Variants in TXNRD1 observed in about 807,000 individuals in gnomAD.
TXNRD1 encodes the protein thioredoxin reductase 1, also known as thioredoxin reductase 1, cytoplasmic.
Under a neutral mutation model 80.3 loss-of-function variants are expected in TXNRD1, and 57 were observed. The ratio of observed to expected loss-of-function variants is 0.71; its 90% CI spans 0.57 to 0.89. The LOEUF (loss-of-function observed/expected upper bound fraction) is 0.89, where lower values mean the gene tolerates loss of function less well. Among genes scored for constraint, TXNRD1 ranks in the 40% least tolerant of loss-of-function variants. TXNRD1 has a pLI of 0.00. For missense variants in TXNRD1, 730 were observed against 803.0 expected (o/e 0.91, Z 1.10); for synonymous variants, 291 against 285.2 (o/e 1.02, Z -0.20).
intron 1 of TXNRD1, among the ~76,000 whole-genome samples, chr12:104,249,171 C>T (rs995711965): frequency 6.6e-6 from 1 of 152,332 alleles, no homozygotes; most frequent in Admixed American, 6.5e-5. Context: ...GTAGATTCCA[C>T]GTCTGGTGAG....
intron 1 of TXNRD1, among the ~76,000 whole-genome samples, chr12:104,246,193 C>T (rs1211657661): frequency 2.0e-5 from 3 of 148,890 alleles, no homozygotes; most frequent in Non-Finnish European, 4.4e-5. Flanking sequence ...TTTGGGAGGC[C>T]GAGGCGGGTG....
chr12:104,319,405 A>G (rs955453435), intron 8 of TXNRD1, 65 bp from the exon 9 acceptor site: 1 of 1,041,724 alleles, frequency 9.6e-7, no homozygotes, highest in Non-Finnish European at 1.4e-6. Context: ...GCCTTTGTTA[A>G]CTATGAAGTT....
chr12:104,278,442 G>C (rs191255708), intron 3 of TXNRD1, among the ~76,000 whole-genome samples: 4 of 148,048 alleles, frequency 2.7e-5, no homozygotes, highest in African/African-American at 1.0e-4. Flanking sequence ...CTCGTGATCC[G>C]CCCGCCTTGG....
chr12:104,348,497 C>A lies in TXNRD1; in HGVS notation c.*76C>A. 1 of 1,465,480 alleles carries A rather than the reference C, an allele frequency of 6.8e-7. No individual in the cohort carries two copies. The highest frequency in any genetic ancestry group is 9.5e-7 in the Non-Finnish European group (1 of 1,048,708). 90.8% of individuals were successfully genotyped at this position (1,465,480 alleles called of 1,614,324 possible). ...GTGCCCAAATCCAAGGCGAAGTTTT[C>A]TAGAGGGTTCTTGGGCTCTTGGCAC... is the stretch of plus-strand genomic sequence containing the variant. On this transcript the variant is annotated 3_prime_UTR_variant, in exon 17 of 17. Transcript: ENST00000525566.
intron 3 of TXNRD1, among the ~76,000 whole-genome samples, chr12:104,269,796 C>T (rs998653551): frequency 3.3e-5 from 5 of 152,036 alleles, no homozygotes; most frequent in Non-Finnish European, 7.4e-5. Flanking sequence ...GTCTCGATCT[C>T]CTGACCTCGT....
At chr12:104,228,922 T>A (rs374617541) in intron 1 of TXNRD1, among the ~76,000 whole-genome samples, 1 of 151,866 alleles carries the variant, frequency 6.6e-6, no homozygotes, top group Non-Finnish European at 1.5e-5. Flanking sequence ...GGTTTCACTG[T>A]GTTAGCCAGG....
At chr12:104,283,402 C>T (rs1315046193) in intron 3 of TXNRD1, among the ~76,000 whole-genome samples, 3 of 152,048 alleles carry the variant, frequency 2.0e-5, no homozygotes, top group Non-Finnish European at 4.4e-5. Context: ...CAGGCGCCCA[C>T]CACCATGCCC....
intron 1 of TXNRD1, among the ~76,000 whole-genome samples, chr12:104,240,742 T>C (rs1385506631): frequency 8.6e-6 from 1 of 116,538 alleles, no homozygotes; most frequent in East Asian, 2.6e-4. Flanking sequence ...AAAAGGTATC[T>C]TTGTGGAATT....
chr12:104,266,971 TAAATAAAATA>T (rs935892793), intron 3 of TXNRD1, among the ~76,000 whole-genome samples: 1 of 136,386 alleles, frequency 7.3e-6, no homozygotes, highest in Admixed American at 7.3e-5. Flanking sequence ...CAAAAATAAA[TAAATAAAATA>T]AAATAAAATA....
chr12:104,237,704 T>C (rs2032768058), intron 1 of TXNRD1, among the ~76,000 whole-genome samples: 1 of 152,154 alleles, frequency 6.6e-6, no homozygotes, highest in African/African-American at 2.4e-5. Context: ...ACAGCTCTAA[T>C]TGATTGGCTT....
At chr12:104,312,928 C>CT (rs1271371003) in intron 5 of TXNRD1, among the ~76,000 whole-genome samples, 1 of 148,106 alleles carries the variant, frequency 6.8e-6, no homozygotes, top group Admixed American at 6.9e-5. Context: ...TGGCCACTTT[C>CT]TTTTTTCAGG....
chr12:104,292,246 T>C (rs2034245834), intron 4 of TXNRD1, among the ~76,000 whole-genome samples: 8 of 152,198 alleles, frequency 5.3e-5, no homozygotes, highest in Admixed American at 5.2e-4. Context: ...ATGAAAGCTT[T>C]GCAGAAGAGT....
At chr12:104,217,784 T>A (rs1435451997) in intron 1 of TXNRD1, among the ~76,000 whole-genome samples, 2 of 152,210 alleles carry the variant, frequency 1.3e-5, no homozygotes, top group Non-Finnish European at 2.9e-5. Context: ...ACTTTCTGTT[T>A]CTGTGAAATT....
At chr12:104,304,162 C>G (rs1352724130) in intron 4 of TXNRD1, 8 of 1,613,980 alleles carry the variant, frequency 5.0e-6, no homozygotes. Context: ...CCAACGTCCT[C>G]TTTGATGGCG....
At chr12:104,238,886 G>C (rs931713869) in intron 1 of TXNRD1, among the ~76,000 whole-genome samples, 63 of 151,582 alleles carry the variant, frequency 4.2e-4, no homozygotes, top group Admixed American at 3.5e-3. Context: ...TTGCACTGTT[G>C]CCCAGGCTAG....
At chr12:104,320,425 CA>C (rs35586804) in intron 9 of TXNRD1, among the ~76,000 whole-genome samples, 1 of 152,188 alleles carries the variant, frequency 6.6e-6, no homozygotes, top group Non-Finnish European at 1.5e-5. Context: ...AATCACCTCC[CA>C]AAAGCCCAAC....
chr12:104,297,305 CAA>C (rs369240448), intron 4 of TXNRD1, among the ~76,000 whole-genome samples: 131 of 71,000 alleles, frequency 1.8e-3, no homozygotes, highest in African/African-American at 5.8e-3. Context: ...AACTCCATCT[CAA>C]AAAAAAAAAA....
Position 104,252,662 on chromosome 12 carries a change from T to TATATATATATATATATATA in TXNRD1, c.243+984_243+985insATATATATATATATATATA, listed in dbSNP as rs756948232. On this transcript the variant is annotated intron_variant, in intron 2 of 16. Transcript: ENST00000525566. ...CACTGAGAGGTTAATTTATTATTTT[T>TATATATATATATATATATA]TATATATATATATATATATATATAT... is the stretch of plus-strand genomic sequence containing the variant. Among the ~76,000 whole-genome samples, 43 of 45,786 alleles carry TATATATATATATATATATA rather than the reference T, an allele frequency of 9.4e-4. 1 individual carries two copies. Among genetic ancestry groups the TATATATATATATATATATA allele is most frequent in the African/African-American group, 2.1e-3 (25 of 11,728 alleles). The allele number at this position is 45,786 out of a possible 152,430, so 30.0% of individuals were successfully genotyped here.
intron 4 of TXNRD1, chr12:104,310,044 G>A: frequency 6.5e-7 from 1 of 1,536,120 alleles, no homozygotes; most frequent in Non-Finnish European, 8.7e-7. Flanking sequence ...CCCAAGCTCT[G>A]CCTTTCACCC....
Sources: allele counts gnomAD v4.1 joint callset (sites outside exome capture counted in the v4.1 genomes callset), GRCh38; gene constraint gnomAD v4.1.1; transcripts MANE v1.5; gene names NCBI Gene and HGNC (gene_info 2026-07-23, HGNC 2026-07-21).